The following STAT1 variants were observed in gnomAD, a reference collection of about 807,000 sequenced individuals.
STAT1 encodes the protein signal transducer and activator of transcription 1-alpha/beta.
Under a neutral mutation model 111.7 loss-of-function variants are expected in STAT1, and 24 were observed. That is an observed-to-expected ratio of 0.21 (90% confidence interval 0.16 to 0.30). The LOEUF (loss-of-function observed/expected upper bound fraction) is 0.30. STAT1 is among the 10% of genes least tolerant of loss of function. The pLI is 1.00. For missense variants in STAT1, 351 were observed against 911.9 expected (o/e 0.38, Z 7.92); for synonymous variants, 332 against 326.5 (o/e 1.02, Z -0.18).
Position 190,981,154 on chromosome 2 carries a change from C to T in STAT1, c.1583-485G>A, listed in dbSNP as rs188328676. 1.9e-4 allele frequency among the ~76,000 whole-genome samples: 29 copies of T among 152,250 alleles called. No homozygotes were observed. The highest frequency in any genetic ancestry group is 6.7e-4 in the African/African-American group (28 of 41,542). ...CTGCTGGGCCTCCTAGAGAAGCCTC[C>T]CTATCCAGTGCCTCTTCCCACTGCC... is the stretch of plus-strand genomic sequence containing the variant. On this transcript the variant is annotated intron_variant, in intron 18 of 24. Coordinates refer to ENST00000361099, the MANE Select transcript of STAT1 (RefSeq NM_007315.4). The surrounding 1 kb of genome is among the most constrained non-coding windows in gnomAD (Gnocchi z 4.1).
chr2:191,013,660 A>T lies in STAT1; in HGVS notation c.-137T>A. On this transcript the variant is annotated 5_prime_UTR_variant, in exon 2 of 25. An upstream start codon of the reference 5' UTR is lost. Transcript: ENST00000361099. The stretch of plus-strand genomic sequence containing the variant: ...AACCTAGACAGCTCTCGAGGATGGC[A>T]TACAGCAAATGAAACTTTCTGCGAA... 1 of 398,728 alleles carries T rather than the reference A, an allele frequency of 2.5e-6. No individual in the cohort carries two copies. Among genetic ancestry groups the T allele is most frequent in the Non-Finnish European group, 4.4e-6 (1 of 226,108 alleles). 24.7% of individuals were successfully genotyped at this position (398,728 alleles called of 1,614,324 possible).
chr2:190,982,254 A>G lies in STAT1; in HGVS notation c.1582+129T>C. 1 of 1,067,250 alleles carries G rather than the reference A, an allele frequency of 9.4e-7. No individual in the cohort carries two copies. The highest frequency in any genetic ancestry group is 1.3e-5 in the South Asian group (1 of 74,898). The allele number at this position is 1,067,250 out of a possible 1,614,324, so 66.1% of individuals were successfully genotyped here. Reference sequence around the variant, plus strand: ...TTCTCACTTAGCTATAATAAACTATAGCTTGAAAAGCTGACAGATTTTAGT... The same window carrying G: ...TTCTCACTTAGCTATAATAAACTATGGCTTGAAAAGCTGACAGATTTTAGT... On this transcript the variant is annotated intron_variant, in intron 18 of 24. Transcript: ENST00000361099. The surrounding 1 kb of genome is among the most constrained non-coding windows in gnomAD (Gnocchi z 7.3).
At position 190,983,690 on chromosome 2, in the gene STAT1, G is replaced by A. The variant is rs763759889; in HGVS notation, c.1398C>T (p.Ser466=). ...VVISNVSQLP[S]GWASILWYNM... is the part of the protein sequence containing the mutation. ...TGTACCAAAGGATGGAGGCCCAACC[G>A]CTCGGGAGCTGGCTGACGTTGGAGA... Residue 466 remains serine, a synonymous_variant, in exon 17 of 25, where the codon AGC becomes AGT. Coordinates refer to ENST00000361099, the MANE Select transcript of STAT1 (RefSeq NM_007315.4). This position sits in a 1 kb window ranked among gnomAD's most constrained non-coding sequence, Gnocchi z 5.7. 1.5e-5 allele frequency: 24 copies of A among 1,614,010 alleles called. No homozygotes were observed. Among genetic ancestry groups the A allele is most frequent in the African/African-American group, 5.3e-5 (4 of 74,916 alleles).
In STAT1 at chr2:190,989,745, C is replaced by T; in HGVS notation, c.1038-71G>A. On this transcript the variant is annotated intron_variant, in intron 11 of 24. Coordinates refer to ENST00000361099, the MANE Select transcript of STAT1 (RefSeq NM_007315.4). The surrounding 1 kb of genome is among the most constrained non-coding windows in gnomAD (Gnocchi z 5.0). ...ACAATTTATTTATTATGCCAATTCC[C>T]TATTAACGTTTAGATAAACTACTCC... is the stretch of plus-strand genomic sequence containing the variant. The T allele has an allele frequency of 8.7e-7, 1 of 1,149,698 alleles. No individual in the cohort carries two copies. The highest frequency in any genetic ancestry group is 2.5e-5 in the East Asian group (1 of 39,382). The allele number at this position is 1,149,698 out of a possible 1,614,324, so 71.2% of individuals were successfully genotyped here. A position where few individuals can be genotyped will look rare whatever the true frequency, so the allele number is the denominator to read the frequency against.
rs1694449960 is a variant in STAT1 at position 191,003,618 on chromosome 2, C to G, written c.373-2455G>C. 6.6e-6 allele frequency among the ~76,000 whole-genome samples: 1 copy of G among 152,214 alleles called. No homozygotes were observed. Among genetic ancestry groups the G allele is most frequent in the South Asian group, 2.1e-4 (1 of 4,832 alleles). On this transcript the variant is annotated intron_variant, in intron 5 of 24. Coordinates refer to ENST00000361099, the MANE Select transcript of STAT1 (RefSeq NM_007315.4). This position sits in a 1 kb window ranked among gnomAD's most constrained non-coding sequence, Gnocchi z 4.0. Reference sequence around the variant, plus strand: ...TGGCCATGTGATATGTGTGCTTCCCCTTCACCTGCTGCTATGACTGTAAGT... The same window carrying G: ...TGGCCATGTGATATGTGTGCTTCCCGTTCACCTGCTGCTATGACTGTAAGT...
Position 191,012,459 on chromosome 2 carries a change from C to G in STAT1, c.-2+1066G>C, listed in dbSNP as rs543772868. 7.9e-5 allele frequency among the ~76,000 whole-genome samples: 12 copies of G among 152,028 alleles called. No individual in the cohort carries two copies. The South Asian group carries it at 2.5e-3, about 32-fold the overall frequency. Reference sequence around the variant, plus strand: ...AATAAATAAGCTCATGTTCACAAATCTGGAGTCAGTCTCATCTACTCACAA... The same window carrying G: ...AATAAATAAGCTCATGTTCACAAATGTGGAGTCAGTCTCATCTACTCACAA... On this transcript the variant is annotated intron_variant, in intron 2 of 24. Transcript: ENST00000361099. This position sits in a 1 kb window ranked among gnomAD's most constrained non-coding sequence, Gnocchi z 4.0.
chr2:190,991,693 T>C (rs2125049469), intron 10 of STAT1, among the ~76,000 whole-genome samples: 1 of 149,986 alleles, frequency 6.7e-6, no homozygotes, highest in African/African-American at 2.5e-5. Flanking sequence ...ACCGTATCTT[T>C]ACAATTTGTT....
In STAT1 at chr2:190,976,765, G is replaced by C; in HGVS notation, c.2059+75C>G. The C allele has an allele frequency of 7.6e-7, 1 of 1,311,906 alleles. No homozygotes were observed. The highest frequency in any genetic ancestry group is 1.1e-6 in the Non-Finnish European group (1 of 906,368). The allele number at this position is 1,311,906 out of a possible 1,614,324, so 81.3% of individuals were successfully genotyped here. A position where few individuals can be genotyped will look rare whatever the true frequency, so the allele number is the denominator to read the frequency against. On this transcript the variant is annotated intron_variant, in intron 22 of 24. Transcript: ENST00000361099. This position sits in a 1 kb window ranked among gnomAD's most constrained non-coding sequence, Gnocchi z 6.0. ...AATTCGAAAGCAAAACACTGCATGGGTGGAGTTTCAGAATAATCACCCCCT... is the reference window on the plus strand; with the variant it reads ...AATTCGAAAGCAAAACACTGCATGGCTGGAGTTTCAGAATAATCACCCCCT...
At chr2:191,005,875 A>G (rs1210848766) in intron 5 of STAT1, among the ~76,000 whole-genome samples, 3 of 152,230 alleles carry the variant, frequency 2.0e-5, no homozygotes, top group African/African-American at 7.2e-5. Context: ...TCACACCCCA[A>G]GAAGGCTTTG....
rs141359030 is a variant in STAT1, at chr2:191,003,305, C to T, written c.373-2142G>A. Among the ~76,000 whole-genome samples, 31 of 152,304 alleles carry T rather than the reference C, an allele frequency of 2.0e-4. No homozygotes were observed. The highest frequency in any genetic ancestry group is 6.7e-4 in the African/African-American group (28 of 41,558). On this transcript the variant is annotated intron_variant, in intron 5 of 24. Transcript: ENST00000361099. This position sits in a 1 kb window ranked among gnomAD's most constrained non-coding sequence, Gnocchi z 4.0. ...CAGTGACAAAAGGGGTTTCTCTGGG[C>T]GGTTGGAATAAGTTGTCACTTTGAG...
chr2:190,969,589 GGA>G lies in STAT1; in HGVS notation c.*1112_*1113del, dbSNP rs1691299575. Reference sequence around the variant, plus strand: ...CAAAAAAGTGTCTGGAAAAAGTACAGGAGAGAGAATGGAACCATTCGCAAATG... The same window carrying G: ...CAAAAAAGTGTCTGGAAAAAGTACAGGAGAGAATGGAACCATTCGCAAATG... On this transcript the variant is annotated 3_prime_UTR_variant, in exon 25 of 25. Coordinates refer to ENST00000361099, the MANE Select transcript of STAT1 (RefSeq NM_007315.4). 1.3e-5 allele frequency: 2 copies of G among 152,156 alleles called. No individual in the cohort carries two copies. The highest frequency in any genetic ancestry group is 4.8e-5 in the African/African-American group (2 of 41,444). 9.4% of individuals were successfully genotyped at this position (152,156 alleles called of 1,614,324 possible). A position where few individuals can be genotyped will look rare whatever the true frequency, so the allele number is the denominator to read the frequency against.
rs1366910412 is a variant in STAT1 at position 190,977,981 on chromosome 2, C to A, written c.1873+875G>T. Reference sequence around the variant, plus strand: ...AAACAGAACAAGAAAGAATACCGTTCCAGAAAAAAAAAATAGAAGAGTATT... The same window carrying A: ...AAACAGAACAAGAAAGAATACCGTTACAGAAAAAAAAAATAGAAGAGTATT... On this transcript the variant is annotated intron_variant, in intron 21 of 24. Transcript: ENST00000361099. The surrounding 1 kb of genome is among the most constrained non-coding windows in gnomAD (Gnocchi z 4.7). Among the ~76,000 whole-genome samples, 1 of 150,312 alleles carries A rather than the reference C, an allele frequency of 6.7e-6. No individual in the cohort carries two copies. The highest frequency in any genetic ancestry group is 2.4e-5 in the African/African-American group (1 of 40,828).
rs1228324993 is a variant in STAT1 at position 190,976,103 on chromosome 2, G to C, written c.2060-216C>G. ...GGATCTGAATTCAGTCTGGAAATAA[G>C]CTAGTGTTCAGCAGGACACTAGCTA... On this transcript the variant is annotated intron_variant, in intron 22 of 24. Coordinates refer to ENST00000361099, the MANE Select transcript of STAT1 (RefSeq NM_007315.4). This position sits in a 1 kb window ranked among gnomAD's most constrained non-coding sequence, Gnocchi z 6.0. Among the ~76,000 whole-genome samples the C allele has an allele frequency of 1.3e-5, 2 of 152,184 alleles. No homozygotes were observed. Among genetic ancestry groups the C allele is most frequent in the Admixed American group, 6.5e-5 (1 of 15,288 alleles).
In STAT1 at chr2:190,969,500, T is replaced by A. The variant is rs1457799429; in HGVS notation, c.*1203A>T. The A allele has an allele frequency of 6.6e-6, 1 of 152,174 alleles. No individual in the cohort carries two copies. Among genetic ancestry groups the A allele is most frequent in the Non-Finnish European group, 1.5e-5 (1 of 68,016 alleles). The allele number at this position is 152,174 out of a possible 1,614,324, so 9.4% of individuals were successfully genotyped here. A position where few individuals can be genotyped will look rare whatever the true frequency, so the allele number is the denominator to read the frequency against. On this transcript the variant is annotated 3_prime_UTR_variant, in exon 25 of 25. Transcript: ENST00000361099. ...TCAAACCCATCTCTTAATCTACTTT[T>A]TGTGTCAGTGATAAGGAAGGAAAAA...
Position 190,999,567 on chromosome 2 carries a change from T to C in STAT1, c.541+59A>G, listed in dbSNP as rs903591666. On this transcript the variant is annotated intron_variant, in intron 7 of 24. Coordinates refer to ENST00000361099, the MANE Select transcript of STAT1 (RefSeq NM_007315.4). The surrounding 1 kb of genome is among the most constrained non-coding windows in gnomAD (Gnocchi z 4.1). ...TAGAAAGGAGTAATCATCTTCGTTATCTAGTGTGAACAGAAAAAATTGCAG... is the reference window on the plus strand; with the variant it reads ...TAGAAAGGAGTAATCATCTTCGTTACCTAGTGTGAACAGAAAAAATTGCAG... 1.8e-6 allele frequency: 2 copies of C among 1,136,312 alleles called. No individual in the cohort carries two copies. The highest frequency in any genetic ancestry group is 3.4e-5 in the Admixed American group (2 of 59,096). The allele number at this position is 1,136,312 out of a possible 1,614,324, so 70.4% of individuals were successfully genotyped here.
rs1692596022 is a variant in STAT1 at position 190,984,102 on chromosome 2, G to C, written c.1347+208C>G. Among the ~76,000 whole-genome samples, 3 of 151,974 alleles carry C rather than the reference G, an allele frequency of 2.0e-5. No homozygotes were observed. The highest frequency in any genetic ancestry group is 7.3e-5 in the African/African-American group (3 of 41,374). The stretch of plus-strand genomic sequence containing the variant: ...AAATTAACATCAGCGATCTCAACTG[G>C]AACTTTTAAGTTATTGAATTTGAAG... On this transcript the variant is annotated intron_variant, in intron 16 of 24. Transcript: ENST00000361099. The surrounding 1 kb of genome is among the most constrained non-coding windows in gnomAD (Gnocchi z 5.2).
In STAT1 at chr2:190,978,723, G is replaced by T; in HGVS notation, c.1873+133C>A. The T allele has an allele frequency of 1.8e-6, 2 of 1,117,782 alleles. No individual in the cohort carries two copies. The highest frequency in any genetic ancestry group is 2.6e-6 in the Non-Finnish European group (2 of 764,694). The allele number at this position is 1,117,782 out of a possible 1,614,324, so 69.2% of individuals were successfully genotyped here. ...GGTGGTTTATTAAATCCTATCGGGG[G>T]CTCATTTGGGGTAAGTATAAGATCT... On this transcript the variant is annotated intron_variant, in intron 21 of 24. Coordinates refer to ENST00000361099, the MANE Select transcript of STAT1 (RefSeq NM_007315.4). This position sits in a 1 kb window ranked among gnomAD's most constrained non-coding sequence, Gnocchi z 6.1.
rs1225283533 is a variant in STAT1 at position 190,989,612 on chromosome 2, T to C, written c.1097+3A>G. ...ATGTTATATAATGTTAAAGATATCT[T>C]ACTTATCAAATAAGACTTTGACTTT... On this transcript the variant is annotated splice_donor_region_variant and intron_variant, in intron 12 of 24. Coordinates refer to ENST00000361099, the MANE Select transcript of STAT1 (RefSeq NM_007315.4). The surrounding 1 kb of genome is among the most constrained non-coding windows in gnomAD (Gnocchi z 5.0). 6.0e-6 allele frequency: 9 copies of C among 1,506,440 alleles called. No individual in the cohort carries two copies. Among genetic ancestry groups the C allele is most frequent in the Non-Finnish European group, 8.2e-6 (9 of 1,091,620 alleles). The allele number at this position is 1,506,440 out of a possible 1,614,324, so 93.3% of individuals were successfully genotyped here. A position where few individuals can be genotyped will look rare whatever the true frequency, so the allele number is the denominator to read the frequency against.
In STAT1 at chr2:190,975,750, C is replaced by G; in HGVS notation, c.2135+62G>C. On this transcript the variant is annotated intron_variant, in intron 23 of 24. Transcript: ENST00000361099. This position sits in a 1 kb window ranked among gnomAD's most constrained non-coding sequence, Gnocchi z 5.9. Reference sequence around the variant, plus strand: ...TAAAATACAAGCATCTTCAACAGGCCCCAGCCAGGAGCAAGGCTGGCTTGA... The same window carrying G: ...TAAAATACAAGCATCTTCAACAGGCGCCAGCCAGGAGCAAGGCTGGCTTGA... The G allele has an allele frequency of 5.0e-6, 8 of 1,609,862 alleles. No homozygotes were observed. The highest frequency in any genetic ancestry group is 6.8e-6 in the Non-Finnish European group (8 of 1,177,842).
Sources: gnomAD v4.1 joint callset for allele counts (sites outside exome capture counted in the v4.1 genomes callset) on GRCh38, gnomAD v4.1.1 for gene constraint, Gnocchi (gnomAD v3.1) non-coding constraint, MANE v1.5 for transcripts, NCBI Gene and HGNC (gene_info 2026-07-23, HGNC 2026-07-21) for gene names.